Variants in DST observed in about 807,000 individuals in gnomAD.
The protein encoded by DST is dystonin, also known as bullous pemphigoid antigen.
DST carries 253 observed loss-of-function variants against 875.2 expected under a neutral mutation model. The ratio of observed to expected loss-of-function variants is 0.29; its 90% CI spans 0.26 to 0.32. The LOEUF (loss-of-function observed/expected upper bound fraction) is 0.32, where lower values mean the gene tolerates loss of function less well. Ranked by LOEUF, DST falls within the 10% of genes least tolerant of loss-of-function variation. The pLI is 1.00. For missense variants in DST, 8,287 were observed against 9,111.6 expected, an observed-to-expected ratio of 0.91 and a Z score of 3.68; for synonymous variants, 3,124 against 3,197.1, an observed-to-expected ratio of 0.98 and a Z score of 0.77.
At chr6:56,565,117 T>C (rs1475026562) in intron 55 of DST, among the ~76,000 whole-genome samples, 3 of 149,210 alleles carry the variant, frequency 2.0e-5, no homozygotes, top group African/African-American at 7.6e-5. Flanking sequence ...CTTTTCTTTT[T>C]TTTTTTTCTT....
intron 2 of DST, among the ~76,000 whole-genome samples, chr6:56,908,983 G>A (rs1489358480): frequency 2.0e-5 from 3 of 152,124 alleles, no homozygotes; most frequent in Admixed American, 2.0e-4. Flanking sequence ...GGGCTGCCCT[G>A]TCTATGGAAT....
chr6:56,778,103 T>A (rs1475439164), intron 4 of DST, among the ~76,000 whole-genome samples: 1 of 152,120 alleles, frequency 6.6e-6, no homozygotes. Flanking sequence ...ATATCACGTA[T>A]AAGCACAAAA....
intron 4 of DST, among the ~76,000 whole-genome samples, chr6:56,783,871 C>T (rs2099699607): frequency 6.6e-6 from 1 of 152,236 alleles, no homozygotes; most frequent in East Asian, 1.9e-4. Context: ...ACCTGTTGTG[C>T]CTTTCCATGT....
intron 98 of DST, 53 bp downstream of exon 98, chr6:56,468,928 TA>T: frequency 6.8e-7 from 1 of 1,472,544 alleles, no homozygotes; most frequent in Non-Finnish European, 9.3e-7. Context: ...GACTATGAAT[TA>T]AAGTTAAAAA....
In DST at chr6:56,642,040, A is replaced by G; in HGVS notation, c.1934T>C (p.Ile645Thr). The G allele has an allele frequency of 1.2e-6, 2 of 1,612,222 alleles. No homozygotes were observed. The highest frequency in any genetic ancestry group is 1.7e-6 in the Non-Finnish European group (2 of 1,178,450). ...GCGTAAAAGGTTCTCACATTCAAGT[A>G]TATACCCAGCAATTTCTGCTTCATT... ...FQNEAEIAGY[I>T]LECENLLRQH... The change falls in exon 17 of 104, where the codon ATA becomes ACA. Residue 645 changes from isoleucine (I) to threonine (T), a missense_variant. Coordinates refer to ENST00000680361, the MANE Select transcript of DST (RefSeq NM_001374736.1).
chr6:56,916,815 C>CAT (rs1801351743), intron 2 of DST, among the ~76,000 whole-genome samples: 2 of 149,400 alleles, frequency 1.3e-5, no homozygotes, highest in Non-Finnish European at 3.0e-5. Flanking sequence ...CACACACACA[C>CAT]ACACACACAG....
intron 10 of DST, among the ~76,000 whole-genome samples, chr6:56,667,443 C>T (rs1245578141): frequency 2.6e-5 from 4 of 151,998 alleles, no homozygotes; most frequent in Non-Finnish European, 4.4e-5. Context: ...CAACTAAAAA[C>T]GAAGTTCTAC....
At chr6:56,938,144 A>AT (rs1468265598) in intron 2 of DST, among the ~76,000 whole-genome samples, 8 of 140,014 alleles carry the variant, frequency 5.7e-5, no homozygotes, top group Non-Finnish European at 7.9e-5. Flanking sequence ...TTAAAAAAAA[A>AT]TTTTTTTGAG....
intron 2 of DST, among the ~76,000 whole-genome samples, chr6:56,904,707 T>TA (rs911661298): frequency 1.1e-3 from 168 of 152,050 alleles, no homozygotes; most frequent in African/African-American, 3.7e-3. Context: ...TAAGTAATAT[T>TA]AAAAAAAAGC....
rs150105462 is a variant in DST at position 56,703,572 on chromosome 6, G to C, written c.876+76C>G. 1,241 of 491,734 alleles carry C rather than the reference G, an allele frequency of 2.5e-3. 3 individuals are homozygous for C. In the Middle Eastern group the frequency reaches 0.036, roughly 14 times the overall value. The allele number at this position is 491,734 out of a possible 1,614,324, so 30.5% of individuals were successfully genotyped here. A position where few individuals can be genotyped will look rare whatever the true frequency, so the allele number is the denominator to read the frequency against. ...TTTCTAAAAAGGAGCCTGAACCCAGGAGTTACTTCTCTATCAGGTTAGCGC... is the reference window on the plus strand; with the variant it reads ...TTTCTAAAAAGGAGCCTGAACCCAGCAGTTACTTCTCTATCAGGTTAGCGC... On this transcript the variant is annotated intron_variant, in intron 7 of 103. Transcript: ENST00000680361.
rs2152780642 is a variant in DST at position 56,641,980 on chromosome 6, C to G, written c.1994G>C (p.Gly665Ala). Residue 665 changes from glycine (G) to alanine (A), a missense_variant, in exon 17 of 104, where the codon GGA (glycine) becomes GCA (alanine). Around this residue, in one of 10 missense-constraint regions of DST, gnomAD observed 1,160 missense variants for 1,424.3 expected, o/e 0.81. Transcript: ENST00000680361. ...HVIDVQILID[G>A]KYYQADQLVQ... ...CAATTGATCTGCCTGGTAGTATTTT[C>G]CATCAATAAGAATCTGTACATCAAT... The G allele has an allele frequency of 1.2e-6, 2 of 1,613,404 alleles. No homozygotes were observed. The highest frequency in any genetic ancestry group is 4.5e-5 in the East Asian group (2 of 44,792).
At chr6:56,768,599 T>C (rs2099640650) in intron 4 of DST, among the ~76,000 whole-genome samples, 1 of 152,104 alleles carries the variant, frequency 6.6e-6, no homozygotes, top group Non-Finnish European at 1.5e-5. Context: ...TTTAGGAAGA[T>C]AACATAAAAG....
rs765605421 is a variant in DST at position 56,530,093 on chromosome 6, A to C, written c.17149T>G (p.Phe5717Val). The C allele has an allele frequency of 6.2e-7, 1 of 1,600,122 alleles. No individual in the cohort carries two copies. The highest frequency in any genetic ancestry group is 1.7e-5 in the Admixed American group (1 of 58,426). The stretch of plus-strand genomic sequence containing the variant: ...TTCAGTGGTTCTAAGGTTTCATGAA[A>C]TTGCTGTGCTACCACCGAGATACCT... ...LEGISVVAQQ[F>V]HETLEPLNEW... Residue 5717 changes from phenylalanine (F) to valine (V), a missense_variant, in exon 65 of 104, where the codon TTT (phenylalanine) becomes GTT (valine). Physicochemically the swap from Phe to Val is conservative, Grantham distance 50. Coordinates refer to ENST00000680361, the MANE Select transcript of DST (RefSeq NM_001374736.1).
rs113712594 is a variant in DST at position 56,481,774 on chromosome 6, C to A, written c.21531+276G>T. Among the ~76,000 whole-genome samples the A allele has an allele frequency of 6.8e-3, 1,033 of 152,202 alleles. 11 individuals carry two copies. The highest frequency in any genetic ancestry group is 0.023 in the African/African-American group (975 of 41,522). On this transcript the variant is annotated intron_variant, in intron 90 of 103. Coordinates refer to ENST00000680361, the MANE Select transcript of DST (RefSeq NM_001374736.1). ...CAATTTTGGTCAAAAGCCAAAAAGC[C>A]TAGATAAATCAATATGCTTCCTTGA...
In DST at chr6:56,900,543, C is replaced by T. The variant is rs11969595; in HGVS notation, c.295G>A (p.Val99Met). ...TCACTCTGATGGTGAACTTCCACCA[C>T]GGGCTTCACTTCTTCCAGACGGGCA... ...AAARLEEVKP[V>M]VEVHHQSEQE... Residue 99 changes from valine to methionine, a missense_variant, in exon 3 of 104, where the codon GTG becomes ATG. Coordinates refer to ENST00000680361, the MANE Select transcript of DST (RefSeq NM_001374736.1). 6.2e-3 allele frequency: 8,495 copies of T among 1,367,610 alleles called. 360 individuals carry two copies. In the African/African-American group the frequency reaches 0.1, roughly 17 times the overall value. 84.7% of individuals were successfully genotyped at this position (1,367,610 alleles called of 1,614,324 possible).
At chr6:56,510,396 T>C (rs1438740980) in intron 73 of DST, among the ~76,000 whole-genome samples, 1 of 152,108 alleles carries the variant, frequency 6.6e-6, no homozygotes, top group East Asian at 1.9e-4. Flanking sequence ...ATTTCCTGAA[T>C]TGAAAAATGT....
intron 5 of DST, among the ~76,000 whole-genome samples, chr6:56,719,420 G>C (rs910505312): frequency 2.0e-5 from 3 of 152,162 alleles, no homozygotes; most frequent in African/African-American, 7.2e-5. Context: ...AAAAGCAAAT[G>C]GAAAGTCATG....
chr6:56,517,356 T>TA, intron 70 of DST, 51 bp from the exon 71 acceptor site: 1 of 1,591,592 alleles, frequency 6.3e-7, no homozygotes, highest in Non-Finnish European at 8.6e-7. Flanking sequence ...ATTGTATGAC[T>TA]AAAATGAAAA....
chr6:56,526,562 C>T lies in DST; in HGVS notation c.17928G>A (p.Leu5976=), dbSNP rs771628122. The T allele has an allele frequency of 5.0e-6, 8 of 1,613,192 alleles. No individual in the cohort carries two copies. The highest frequency in any genetic ancestry group is 5.9e-6 in the Non-Finnish European group (7 of 1,179,540). Reference sequence around the variant, plus strand: ...CTTTGTTGTTCTTAGCTTCCTTTTTCAGTTCCTGAAAACATACAAATAAGT... The same window carrying T: ...CTTTGTTGTTCTTAGCTTCCTTTTTTAGTTCCTGAAAACATACAAATAAGT... ...ASQAQMRPKE[L]KKEAKNNKAL... The change falls in exon 69 of 104, where the codon CTG becomes CTA. Residue 5976 remains leucine, a synonymous_variant. Transcript: ENST00000680361.
Sources: gnomAD v4.1 joint callset for allele counts (sites outside exome capture counted in the v4.1 genomes callset) on GRCh38, gnomAD v4.1.1 for gene constraint, gnomAD v4.1.1 regional missense constraint, MANE v1.5 for transcripts, NCBI Gene and HGNC (gene_info 2026-07-23, HGNC 2026-07-21) for gene names.